TRHDE: variants seen among roughly 807,000 people sequenced by gnomAD.
The protein encoded by TRHDE is thyrotropin releasing hormone degrading enzyme, also known as thyrotropin-releasing hormone-degrading ectoenzyme.
Under a neutral mutation model 125.7 loss-of-function variants are expected in TRHDE, and 72 were observed. That is an observed-to-expected ratio of 0.57 (90% CI 0.47 to 0.70). TRHDE has a LOEUF of 0.70. Ranked by LOEUF, TRHDE falls within the 30% of genes least tolerant of loss-of-function variation. The pLI is 0.00. For missense variants in TRHDE, 1,110 were observed against 1,327.1 expected, an observed-to-expected ratio of 0.84 and a Z score of 2.54; for synonymous variants, 509 against 509.1, an observed-to-expected ratio of 1.00 and a Z score of 0.00.
chr12:72,336,107 G>A (rs531824473), intron 2 of TRHDE, among the ~76,000 whole-genome samples: 1 of 152,154 alleles, frequency 6.6e-6, no homozygotes, highest in East Asian at 1.9e-4. Flanking sequence ...AATATAAGGA[G>A]AAAAGAATTT....
chr12:72,319,497 G>GA (rs1403792510), intron 2 of TRHDE, among the ~76,000 whole-genome samples: 2 of 152,060 alleles, frequency 1.3e-5, no homozygotes, highest in Non-Finnish European at 1.5e-5. Flanking sequence ...AACTTGGATG[G>GA]AAAAAATGGT....
At chr12:72,373,397 C>G (rs572974060) in intron 2 of TRHDE, among the ~76,000 whole-genome samples, 38 of 152,144 alleles carry the variant, frequency 2.5e-4, no homozygotes, top group Admixed American at 6.6e-4. Flanking sequence ...TCTCCTGCCT[C>G]ATTGCCCTGG....
chr12:72,135,875 T>C (rs1875973556), intron 2 of TRHDE, among the ~76,000 whole-genome samples: 1 of 152,060 alleles, frequency 6.6e-6, no homozygotes, highest in Non-Finnish European at 1.5e-5. Context: ...TTTTTTTTTG[T>C]GATCAGTACT....
At chr12:72,313,379 G>A (rs368057564) in intron 2 of TRHDE, among the ~76,000 whole-genome samples, 48 of 151,598 alleles carry the variant, frequency 3.2e-4, no homozygotes, top group East Asian at 7.7e-4. Context: ...TAAAACATTC[G>A]AAAATATTTT....
chr12:72,197,528 CT>C (rs1473017661), intron 2 of TRHDE, among the ~76,000 whole-genome samples: 1 of 152,084 alleles, frequency 6.6e-6, no homozygotes, highest in Admixed American at 6.6e-5. Context: ...AGATGTAACT[CT>C]TTTGCTTAAA....
intron 6 of TRHDE, among the ~76,000 whole-genome samples, chr12:72,505,013 C>A (rs1304325317): frequency 6.6e-6 from 1 of 151,996 alleles, no homozygotes; most frequent in Non-Finnish European, 1.5e-5. Flanking sequence ...AATTATAATA[C>A]ACTTTAAATA....
intron 1 of TRHDE, among the ~76,000 whole-genome samples, chr12:72,087,659 T>C (rs1874699551): frequency 6.6e-6 from 1 of 152,072 alleles, no homozygotes; most frequent in Admixed American, 6.6e-5. Context: ...TCTGGTGACA[T>C]GGCATGGGAT....
intron 1 of TRHDE, among the ~76,000 whole-genome samples, chr12:72,279,123 A>G (rs1879600650): frequency 6.6e-6 from 1 of 152,198 alleles, no homozygotes; most frequent in Non-Finnish European, 1.5e-5. Flanking sequence ...TTGTTTATTT[A>G]AACTGATTGT....
chr12:72,302,680 T>G (rs1471414066), intron 2 of TRHDE, among the ~76,000 whole-genome samples: 1 of 152,158 alleles, frequency 6.6e-6, no homozygotes, highest in Non-Finnish European at 1.5e-5. Flanking sequence ...ATTGAATGAC[T>G]ATAGGCAGAC....
At chr12:72,203,237 G>A (rs143724532) in intron 2 of TRHDE, among the ~76,000 whole-genome samples, 3 of 152,208 alleles carry the variant, frequency 2.0e-5, no homozygotes, top group Non-Finnish European at 2.9e-5. Flanking sequence ...CAAGGCAGGC[G>A]GATCACGAGG....
rs2136122119 is a variant in TRHDE at position 72,668,158 on chromosome 12, A to G, written c.*4963A>G. ...AACTAATGATGAAGTTTTTTAAAAT[A>G]TTAAGTATTTTATTTAATGTGATAT... On this transcript the variant is annotated 3_prime_UTR_variant, in exon 19 of 19. Transcript: ENST00000261180. 6.6e-6 allele frequency: 1 copy of G among 151,882 alleles called. No homozygotes were observed. The highest frequency in any genetic ancestry group is 2.4e-5 in the African/African-American group (1 of 41,556). The allele number at this position is 151,882 out of a possible 1,614,324, so 9.4% of individuals were successfully genotyped here.
chr12:72,428,531 T>C (rs1007566891), intron 3 of TRHDE, among the ~76,000 whole-genome samples: 5 of 152,162 alleles, frequency 3.3e-5, no homozygotes, highest in African/African-American at 7.2e-5. Flanking sequence ...AACAGCTTTA[T>C]TGAGCTTTAT....
intron 2 of TRHDE, among the ~76,000 whole-genome samples, chr12:72,229,622 G>A (rs189076010): frequency 1.5e-4 from 23 of 152,306 alleles, no homozygotes; most frequent in Non-Finnish European, 1.5e-5. Flanking sequence ...TGGATGAAGG[G>A]AATTCAGTAG....
chr12:72,542,028 A>G (rs1051391180), intron 6 of TRHDE, among the ~76,000 whole-genome samples: 1 of 151,442 alleles, frequency 6.6e-6, no homozygotes, highest in African/African-American at 2.4e-5. Context: ...CTCCTGAATT[A>G]CAGCTTATCA....
At chr12:72,256,356 G>C (rs1218095135) in intron 2 of TRHDE, 1 of 151,798 alleles carries the variant, frequency 6.6e-6, no homozygotes, top group Admixed American at 6.6e-5. Flanking sequence ...CTTTGCTTTT[G>C]TTGTTCCCTC....
In TRHDE at chr12:72,309,997, A is replaced by G. The variant is rs190961629; in HGVS notation, c.1188+23043A>G. ...TTCTATTTTGTTGCTTGTTAATGCA[A>G]TTTGTTTCCATTAAAACTAATGAAG... On this transcript the variant is annotated intron_variant, in intron 2 of 18. Coordinates refer to ENST00000261180, the MANE Select transcript of TRHDE (RefSeq NM_013381.3). 2.9e-3 allele frequency among the ~76,000 whole-genome samples: 435 copies of G among 152,276 alleles called. 2 individuals are homozygous for G. The highest frequency in any genetic ancestry group is 1.0e-2 in the African/African-American group (414 of 41,552).
intron 3 of TRHDE, among the ~76,000 whole-genome samples, chr12:72,433,747 T>C (rs1874605192): frequency 2.4e-5 from 2 of 81,922 alleles, no homozygotes; most frequent in African/African-American, 6.0e-5. Context: ...ACAAATAAAC[T>C]TTTTTTTTTT....
intron 6 of TRHDE, among the ~76,000 whole-genome samples, chr12:72,509,918 G>A (rs1382502529): frequency 2.0e-5 from 3 of 152,146 alleles, no homozygotes; most frequent in Non-Finnish European, 4.4e-5. Context: ...ATAGGAATTA[G>A]GAAAAAGAGT....
intron 2 of TRHDE, among the ~76,000 whole-genome samples, chr12:72,213,133 A>G (rs1307968370): frequency 6.6e-6 from 1 of 152,180 alleles, no homozygotes; most frequent in African/African-American, 2.4e-5. Flanking sequence ...TGAAATGTCC[A>G]GAATAGACAG....
Sources: gnomAD v4.1 joint callset for allele counts (sites outside exome capture counted in the v4.1 genomes callset) on GRCh38, gnomAD v4.1.1 for gene constraint, MANE v1.5 for transcripts, NCBI Gene and HGNC (gene_info 2026-07-23, HGNC 2026-07-21) for gene names.